The following KCNIP4 variants were observed in gnomAD, a reference collection of about 807,000 sequenced individuals.
The protein encoded by KCNIP4 is Kv channel-interacting protein 4.
A neutral mutation model predicts 34.0 loss-of-function variants in KCNIP4; 12 were observed. The observed-to-expected ratio is 0.35, with a 90% CI of 0.23 to 0.57. KCNIP4 has a LOEUF of 0.57. Among genes scored for constraint, KCNIP4 ranks in the 20% least tolerant of loss-of-function variants. The pLI is 0.83. For missense variants in KCNIP4, 238 were observed against 311.7 expected (o/e 0.76, Z 1.78); for synonymous variants, 124 against 102.2 (o/e 1.21, Z -1.29).
chr4:21,543,777 G>A (rs1737898302), intron 1 of KCNIP4, among the ~76,000 whole-genome samples: 1 of 151,956 alleles, frequency 6.6e-6, no homozygotes, highest in Non-Finnish European at 1.5e-5. Flanking sequence ...ATGACTAAAG[G>A]GTGCCAGGGA....
At chr4:21,701,550 C>G (rs1360881755) in intron 1 of KCNIP4, among the ~76,000 whole-genome samples, 1 of 152,010 alleles carries the variant, frequency 6.6e-6, no homozygotes, top group Admixed American at 6.6e-5. Flanking sequence ...CAATTAAAAA[C>G]TTAAAAATAT....
At chr4:21,000,715 A>T (rs182900387) in intron 1 of KCNIP4, among the ~76,000 whole-genome samples, 1 of 152,196 alleles carries the variant, frequency 6.6e-6, no homozygotes, top group East Asian at 1.9e-4. Context: ...ATAAAATCCC[A>T]TTTAAAATGG....
At chr4:20,799,810 C>A (rs1171769888) in intron 3 of KCNIP4, among the ~76,000 whole-genome samples, 1 of 152,220 alleles carries the variant, frequency 6.6e-6, no homozygotes, top group Non-Finnish European at 1.5e-5. Flanking sequence ...TAGCTGTGCA[C>A]TGTTCCGTGA....
chr4:21,510,634 T>C (rs915687322), intron 1 of KCNIP4, among the ~76,000 whole-genome samples: 1 of 152,176 alleles, frequency 6.6e-6, no homozygotes, highest in African/African-American at 2.4e-5. Context: ...AAGTTGATGA[T>C]ACTCTCTAAG....
At chr4:21,716,082 T>C (rs918653398) in intron 1 of KCNIP4, among the ~76,000 whole-genome samples, 2 of 152,186 alleles carry the variant, frequency 1.3e-5, no homozygotes, top group Non-Finnish European at 2.9e-5. Flanking sequence ...GCCTCTTTTA[T>C]CCTAATCTGA....
intron 1 of KCNIP4, among the ~76,000 whole-genome samples, chr4:21,388,648 C>A (rs1318933989): frequency 6.6e-6 from 1 of 152,110 alleles, no homozygotes; most frequent in Non-Finnish European, 1.5e-5. Flanking sequence ...ATCCTTCTAT[C>A]CTTTTAGCTA....
chr4:21,097,680 T>G (rs1747583026), intron 1 of KCNIP4, among the ~76,000 whole-genome samples: 1 of 152,120 alleles, frequency 6.6e-6, no homozygotes, highest in Non-Finnish European at 1.5e-5. Flanking sequence ...GTGTGTGTGT[T>G]GACTGCTCCA....
chr4:21,471,406 G>A (rs1730458634), intron 1 of KCNIP4, among the ~76,000 whole-genome samples: 1 of 152,042 alleles, frequency 6.6e-6, no homozygotes, highest in Non-Finnish European at 1.5e-5. Flanking sequence ...AACAGAATTG[G>A]GAGAGTTGCA....
intron 1 of KCNIP4, among the ~76,000 whole-genome samples, chr4:20,931,555 C>G (rs1001609515): frequency 6.6e-6 from 1 of 151,928 alleles, no homozygotes; most frequent in Non-Finnish European, 1.5e-5. Flanking sequence ...AATTGTAACA[C>G]AATGGGAAGT....
intron 1 of KCNIP4, among the ~76,000 whole-genome samples, chr4:21,398,294 C>A (rs1317484563): frequency 1.3e-5 from 2 of 152,184 alleles, no homozygotes; most frequent in Non-Finnish European, 2.9e-5. Flanking sequence ...TTCAGAAAAA[C>A]CAGTAATTAG....
At position 21,269,957 on chromosome 4, in the gene KCNIP4, T is replaced by C. The variant is rs188398453; in HGVS notation, c.62-387248A>G. Among the ~76,000 whole-genome samples the C allele has an allele frequency of 3.5e-3, 538 of 152,294 alleles. 3 individuals carry two copies. The highest frequency in any genetic ancestry group is 5.1e-3 in the Non-Finnish European group (347 of 68,018). On this transcript the variant is annotated intron_variant, in intron 1 of 8. Coordinates refer to ENST00000382152, the MANE Select transcript of KCNIP4 (RefSeq NM_025221.6). ...GTTTGGCGAAAGATCCTAAACTATA[T>C]CTACATTAGTTCTTCCCTGTTACTC... is the stretch of plus-strand genomic sequence containing the variant.
chr4:20,875,667 A>C (rs1241551203), intron 2 of KCNIP4, among the ~76,000 whole-genome samples: 2 of 152,166 alleles, frequency 1.3e-5, no homozygotes, highest in African/African-American at 2.4e-5. Flanking sequence ...CAGAGCCTTT[A>C]GCTAAATTCA....
At chr4:21,025,304 T>C (rs1740422029) in intron 1 of KCNIP4, among the ~76,000 whole-genome samples, 1 of 152,084 alleles carries the variant, frequency 6.6e-6, no homozygotes, top group African/African-American at 2.4e-5. Flanking sequence ...AGATGAACCA[T>C]ACTGAGTAGC....
chr4:20,996,101 A>G (rs1167521052), intron 1 of KCNIP4, among the ~76,000 whole-genome samples: 1 of 152,174 alleles, frequency 6.6e-6, no homozygotes, highest in East Asian at 1.9e-4. Flanking sequence ...ATATGCTAGA[A>G]TATGCAAGAC....
chr4:21,186,831 T>C (rs1407800780), intron 1 of KCNIP4, among the ~76,000 whole-genome samples: 1 of 152,082 alleles, frequency 6.6e-6, no homozygotes, highest in Non-Finnish European at 1.5e-5. Flanking sequence ...TTTTCTTTTG[T>C]AGAGACAGAG....
At chr4:21,912,454 T>C (rs183038730) in intron 1 of KCNIP4, among the ~76,000 whole-genome samples, 12 of 152,358 alleles carry the variant, frequency 7.9e-5, no homozygotes, top group Admixed American at 6.5e-4. Flanking sequence ...GTTTACAATC[T>C]AGTGTAGGAA....
intron 1 of KCNIP4, among the ~76,000 whole-genome samples, chr4:21,025,543 GTTTTTTTTTTTTTTTT>G (rs772689134): frequency 8.6e-5 from 3 of 34,778 alleles, no homozygotes; most frequent in Non-Finnish European, 1.0e-4. Flanking sequence ...CATTGATACT[GTTTTTTTTTTTTTTTT>G]TTTTTTTTTT....
intron 2 of KCNIP4, among the ~76,000 whole-genome samples, chr4:20,872,588 T>C (rs1723601260): frequency 6.6e-6 from 1 of 152,182 alleles, no homozygotes; most frequent in Non-Finnish European, 1.5e-5. Flanking sequence ...GACTCATGTT[T>C]AGCTCAAATA....
chr4:21,034,158 AT>A (rs1454958318), intron 1 of KCNIP4, among the ~76,000 whole-genome samples: 1 of 152,132 alleles, frequency 6.6e-6, no homozygotes, highest in Non-Finnish European at 1.5e-5. Flanking sequence ...AAAGAAAGAA[AT>A]TTTTTACATC....
Sources: allele counts gnomAD v4.1 joint callset (sites outside exome capture counted in the v4.1 genomes callset), GRCh38; gene constraint gnomAD v4.1.1; transcripts MANE v1.5; gene names NCBI Gene and HGNC (gene_info 2026-07-23, HGNC 2026-07-21).